Variants in RAD54B observed in about 807,000 individuals in gnomAD.
RAD54B encodes the protein RAD54 homolog B.
Under a neutral mutation model 95.8 loss-of-function variants are expected in RAD54B, and 78 were observed. That is an observed-to-expected ratio of 0.81 (90% CI 0.68 to 0.98). The LOEUF (loss-of-function observed/expected upper bound fraction) is 0.98, where lower values mean the gene tolerates loss of function less well. Among genes scored for constraint, RAD54B ranks in the 50% least tolerant of loss-of-function variants. The pLI, the probability that RAD54B is intolerant of heterozygous loss-of-function variation, is 0.00. For missense variants in RAD54B, 957 were observed against 1,056.6 expected, an observed-to-expected ratio of 0.91 and a Z score of 1.31; for synonymous variants, 328 against 354.9, an observed-to-expected ratio of 0.92 and a Z score of 0.85.
chr8:94,425,304 C>T (rs990454098), intron 3 of RAD54B, among the ~76,000 whole-genome samples: 1 of 149,854 alleles, frequency 6.7e-6, no homozygotes, highest in East Asian at 2.0e-4. Context: ...ATCCTCCTGC[C>T]TCAGCCTCAC....
In RAD54B at chr8:94,432,200, T is replaced by C. The variant is rs766406903; in HGVS notation, c.305-20885A>G. The stretch of plus-strand genomic sequence containing the variant: ...CTTTCAGCTTCTCCACTTCAATTTT[T>C]GCTCTTAGTAGCTCTTCCTCTAGCT... On this transcript the variant is annotated intron_variant, in intron 3 of 14. Coordinates refer to ENST00000336148, the MANE Select transcript of RAD54B (RefSeq NM_012415.3). The C allele has an allele frequency of 6.4e-5, 99 of 1,550,298 alleles. No individual in the cohort carries two copies. The South Asian group carries it at 7.7e-4, about 12-fold the overall frequency.
Position 94,411,268 on chromosome 8 carries a change from T to C in RAD54B, c.352A>G (p.Lys118Glu). 1 of 1,607,748 alleles carries C rather than the reference T, an allele frequency of 6.2e-7. No individual in the cohort carries two copies. Among genetic ancestry groups the C allele is most frequent in the Non-Finnish European group, 8.5e-7 (1 of 1,178,428 alleles). Residue 118 changes from lysine to glutamate, a missense_variant, in exon 4 of 15, where the codon AAA becomes GAA. Coordinates refer to ENST00000336148, the MANE Select transcript of RAD54B (RefSeq NM_012415.3). ...AAATATTTAACTAGGCTATCAGATTTCTCTTCTTGTTCCTTGGACACTGCT... is the reference window on the plus strand; with the variant it reads ...AAATATTTAACTAGGCTATCAGATTCCTCTTCTTGTTCCTTGGACACTGCT... ...EVAVSKEQEE[K>E]SDSLVKYFSV...
At position 94,460,857 on chromosome 8, in the gene RAD54B, C is replaced by T. The variant is rs142035269; in HGVS notation, c.136-2421G>A. ...ATGTTACATCTCTCTGACCCTGCTT[C>T]CCTAATCACCATCTCTTTCTCTGAT... On this transcript the variant is annotated intron_variant, in intron 2 of 14. Transcript: ENST00000336148. Among the ~76,000 whole-genome samples the T allele has an allele frequency of 6.6e-3, 1,002 of 152,232 alleles. 22 individuals are homozygous for T. The highest frequency in any genetic ancestry group is 0.036 in the Admixed American group (555 of 15,290).
intron 3 of RAD54B, chr8:94,430,599 G>T: frequency 4.9e-6 from 3 of 607,990 alleles, no homozygotes; most frequent in Non-Finnish European, 6.2e-6. Flanking sequence ...TGATGCTGAT[G>T]CTGCTGGTCA....
chr8:94,469,122 A>T (rs1292297264), intron 1 of RAD54B, among the ~76,000 whole-genome samples: 1 of 151,778 alleles, frequency 6.6e-6, no homozygotes, highest in Non-Finnish European at 1.5e-5. Context: ...TTAATAAAAA[A>T]AAAGAAAAAG....
chr8:94,440,741 G>A (rs547362308), intron 3 of RAD54B, among the ~76,000 whole-genome samples: 58 of 152,230 alleles, frequency 3.8e-4, no homozygotes, highest in Admixed American at 3.1e-3. Context: ...GAGAGGAGCC[G>A]GGTATCCTCT....
intron 3 of RAD54B, among the ~76,000 whole-genome samples, chr8:94,438,331 G>A (rs1219732024): frequency 6.6e-6 from 1 of 152,186 alleles, no homozygotes; most frequent in African/African-American, 2.4e-5. Flanking sequence ...GATGTTGTCT[G>A]GTATACGCTA....
intron 10 of RAD54B, among the ~76,000 whole-genome samples, chr8:94,390,093 A>G (rs1418093398): frequency 6.6e-6 from 1 of 152,072 alleles, no homozygotes; most frequent in Non-Finnish European, 1.5e-5. Context: ...TAATCTCAGC[A>G]CTTTGGGAGG....
intron 5 of RAD54B, among the ~76,000 whole-genome samples, chr8:94,405,557 C>A (rs1439299902): frequency 6.6e-6 from 1 of 152,150 alleles, no homozygotes; most frequent in Admixed American, 6.6e-5. Flanking sequence ...TCTTTGAGGT[C>A]AATTCCTGTT....
At chr8:94,375,065 T>C (rs1471200885) in intron 14 of RAD54B, among the ~76,000 whole-genome samples, 1 of 152,220 alleles carries the variant, frequency 6.6e-6, no homozygotes, top group East Asian at 1.9e-4. Context: ...GACATTCTAG[T>C]GTATTTCTGG....
chr8:94,468,698 G>A (rs1019969358), intron 1 of RAD54B, among the ~76,000 whole-genome samples: 13 of 152,030 alleles, frequency 8.6e-5, no homozygotes, highest in African/African-American at 2.7e-4. Context: ...GAGTGGTGGC[G>A]GGCGCCTGTG....
chr8:94,456,062 G>A (rs773572699), intron 3 of RAD54B, among the ~76,000 whole-genome samples: 11 of 152,094 alleles, frequency 7.2e-5, no homozygotes, highest in African/African-American at 9.7e-5. Context: ...TACTGAACTG[G>A]ATTGTTCATG....
intron 1 of RAD54B, among the ~76,000 whole-genome samples, chr8:94,474,131 G>C (rs536534622): frequency 6.6e-6 from 1 of 152,268 alleles, no homozygotes; most frequent in Non-Finnish European, 1.5e-5. Context: ...ATCAAATATT[G>C]CATGTTCTCA....
chr8:94,400,729 T>C (rs1036229551), intron 6 of RAD54B, among the ~76,000 whole-genome samples: 1 of 152,162 alleles, frequency 6.6e-6, no homozygotes, highest in African/African-American at 2.4e-5. Context: ...AGGCTAGAAA[T>C]GAATTCCAAT....
chr8:94,471,271 G>T (rs1373359813), intron 1 of RAD54B, among the ~76,000 whole-genome samples: 1 of 149,642 alleles, frequency 6.7e-6, no homozygotes, highest in Non-Finnish European at 1.5e-5. Context: ...TGGGTGGCGG[G>T]GGGGGGCAGT....
At chr8:94,471,761 T>C (rs1813176990) in intron 1 of RAD54B, among the ~76,000 whole-genome samples, 1 of 152,042 alleles carries the variant, frequency 6.6e-6, no homozygotes, top group South Asian at 2.1e-4. Context: ...ATGTTACCTT[T>C]GTAATAGGGA....
At chr8:94,447,953 C>G (rs1032991631) in intron 3 of RAD54B, among the ~76,000 whole-genome samples, 2 of 152,112 alleles carry the variant, frequency 1.3e-5, no homozygotes, top group African/African-American at 4.8e-5. Flanking sequence ...CAATAAAAAC[C>G]TTCAGTTATA....
At chr8:94,388,013 G>A (rs2129976011) in intron 10 of RAD54B, among the ~76,000 whole-genome samples, 1 of 152,298 alleles carries the variant, frequency 6.6e-6, no homozygotes, top group South Asian at 2.1e-4. Flanking sequence ...ATAAACACTT[G>A]AGGACCCAGT....
intron 4 of RAD54B, among the ~76,000 whole-genome samples, chr8:94,410,560 TG>T (rs1811504472): frequency 6.6e-6 from 1 of 152,200 alleles, no homozygotes; most frequent in African/African-American, 2.4e-5. Flanking sequence ...ACACTGTAGT[TG>T]GTGTTAGCCA....
Sources: allele counts gnomAD v4.1 joint callset (sites outside exome capture counted in the v4.1 genomes callset), GRCh38; gene constraint gnomAD v4.1.1; transcripts MANE v1.5; gene names NCBI Gene and HGNC (gene_info 2026-07-23, HGNC 2026-07-21).